Variants in PADI1 observed in about 807,000 individuals in gnomAD.
The protein encoded by PADI1 is protein-arginine deiminase type-1.
Under a neutral mutation model 74.8 loss-of-function variants are expected in PADI1, and 65 were observed. That is an observed-to-expected ratio of 0.87 (90% CI 0.71 to 1.07). PADI1 has a LOEUF of 1.07. Among genes scored for constraint, PADI1 ranks in the 50% least tolerant of loss-of-function variants. The pLI is 0.00. For missense variants in PADI1, 943 were observed against 854.0 expected (o/e 1.10, Z -1.30); for synonymous variants, 371 against 336.2 (o/e 1.10, Z -1.13).
At chr1:17,223,960 G>A (rs556262516) in intron 3 of PADI1, among the ~76,000 whole-genome samples, 2 of 152,302 alleles carry the variant, frequency 1.3e-5, no homozygotes, top group South Asian at 2.1e-4. Context: ...AGAGTCCCAC[G>A]TATACCCTCA....
chr1:17,218,105 T>C (rs1002541120), intron 1 of PADI1, among the ~76,000 whole-genome samples: 1 of 152,146 alleles, frequency 6.6e-6, no homozygotes, highest in African/African-American at 2.4e-5. Flanking sequence ...AATAAACTTA[T>C]GGAGGAAAGA....
At chr1:17,205,548 A>G (rs2071661271) in intron 1 of PADI1, among the ~76,000 whole-genome samples, 1 of 152,112 alleles carries the variant, frequency 6.6e-6, no homozygotes. Context: ...CCTGGGTAAG[A>G]GTCCAGCCTT....
At chr1:17,236,869 G>A (rs918502617) in intron 11 of PADI1, among the ~76,000 whole-genome samples, 3 of 152,360 alleles carry the variant, frequency 2.0e-5, no homozygotes, top group East Asian at 3.9e-4. Flanking sequence ...GGCTACTTAG[G>A]AGAATATTCC....
intron 1 of PADI1, among the ~76,000 whole-genome samples, chr1:17,215,580 C>T (rs2071955401): frequency 6.6e-6 from 1 of 152,100 alleles, no homozygotes; most frequent in Non-Finnish European, 1.5e-5. Context: ...GAGCTAGAAA[C>T]CCTTCTGCTG....
rs115337139 is a variant in PADI1, at chr1:17,205,953, G to A, written c.92+644G>A. ...ATGGTGGCAATGATGACATCTGAGG[G>A]GGCATCAGTAGCATTTGCTTCTCCT... On this transcript the variant is annotated intron_variant, in intron 1 of 15. Transcript: ENST00000375471. Among the ~76,000 whole-genome samples the A allele has an allele frequency of 5.0e-3, 758 of 152,254 alleles. 5 individuals carry two copies. The highest frequency in any genetic ancestry group is 0.017 in the African/African-American group (720 of 41,538).
At chr1:17,217,090 AAGCCAGGTGCGCTGGGGCC>A (rs1188745247) in intron 1 of PADI1, among the ~76,000 whole-genome samples, 1 of 151,772 alleles carries the variant, frequency 6.6e-6, no homozygotes, top group African/African-American at 2.4e-5. Context: ...GCTGAGCCCT[AAGCCAGGTGCGCTGGGGCC>A]AGCCGCACTC....
intron 10 of PADI1, among the ~76,000 whole-genome samples, chr1:17,230,975 T>G (rs561706314): frequency 7.2e-5 from 11 of 152,306 alleles, no homozygotes; most frequent in Admixed American, 2.6e-4. Flanking sequence ...GAATTGGCAG[T>G]GTGGTCAGCT....
chr1:17,235,291 G>GAA (rs1250107567), intron 11 of PADI1, among the ~76,000 whole-genome samples: 12 of 119,952 alleles, frequency 1.0e-4, no homozygotes, highest in African/African-American at 3.0e-4. Context: ...AGGAAGGAAG[G>GAA]AGGGAAGGAA....
intron 1 of PADI1, among the ~76,000 whole-genome samples, chr1:17,211,110 G>T (rs1050481532): frequency 2.6e-5 from 4 of 152,192 alleles, no homozygotes; most frequent in African/African-American, 9.7e-5. Context: ...TAACGACAGG[G>T]CCCTGTGTCC....
intron 1 of PADI1, among the ~76,000 whole-genome samples, chr1:17,222,058 T>C (rs540321466): frequency 6.6e-6 from 1 of 152,268 alleles, no homozygotes; most frequent in East Asian, 1.9e-4. Flanking sequence ...AGTTTGGAAG[T>C]GTCAGATCTG....
Position 17,228,674 on chromosome 1 carries a change from G to A in PADI1, c.702G>A (p.Leu234=). 1 of 1,614,138 alleles carries A rather than the reference G, an allele frequency of 6.2e-7. No homozygotes were observed. Among genetic ancestry groups the A allele is most frequent in the Admixed American group, 1.7e-5 (1 of 60,020 alleles). ...DYKQVLGPQC[L]SYEVERQPGE... ...AACAGGTGCTGGGGCCCCAGTGTCT[G>A]TCCTATGAAGTTGAGCGACAGCCAG... Residue 234 remains leucine, a synonymous_variant, in exon 7 of 16, where the codon CTG becomes CTA. Transcript: ENST00000375471.
In PADI1 at chr1:17,241,203, G is replaced by A. The variant is rs577043310; in HGVS notation, c.1758+443G>A. Among the ~76,000 whole-genome samples the A allele has an allele frequency of 4.2e-3, 633 of 152,348 alleles. 4 individuals are homozygous for A. The highest frequency in any genetic ancestry group is 7.0e-3 in the Non-Finnish European group (477 of 68,034). ...GGGGGTCCTGTGTCAGGCGGTGCAG[G>A]TGGGGTGGGCGGTGGCCTCGCTGAC... is the stretch of plus-strand genomic sequence containing the variant. On this transcript the variant is annotated intron_variant, in intron 15 of 15. Coordinates refer to ENST00000375471, the MANE Select transcript of PADI1 (RefSeq NM_013358.3).
Position 17,224,351 on chromosome 1 carries a change from C to G in PADI1, c.347-16C>G. On this transcript the variant is annotated splice_polypyrimidine_tract_variant and intron_variant, in intron 3 of 15. Coordinates refer to ENST00000375471, the MANE Select transcript of PADI1 (RefSeq NM_013358.3). ...GCTGGATGAGCCCCTGGCAGCCCCT[C>G]TCCATCTCTTTGCAGATATTTCCCT... is the stretch of plus-strand genomic sequence containing the variant. The G allele has an allele frequency of 1.2e-6, 2 of 1,612,474 alleles. No homozygotes were observed.
chr1:17,210,965 C>T (rs946454322), intron 1 of PADI1, among the ~76,000 whole-genome samples: 1 of 152,196 alleles, frequency 6.6e-6, no homozygotes, highest in African/African-American at 2.4e-5. Flanking sequence ...GATGATACGG[C>T]CCATGGCCAC....
intron 6 of PADI1, 149 bp from the exon 7 acceptor site, chr1:17,228,476 A>G (rs1019333009): frequency 1.2e-5 from 9 of 728,518 alleles, no homozygotes; most frequent in Admixed American, 2.2e-5. Context: ...AGGTTGAGTC[A>G]TTGAGCTAAG....
At chr1:17,218,849 C>T (rs2072050804) in intron 1 of PADI1, among the ~76,000 whole-genome samples, 1 of 151,908 alleles carries the variant, frequency 6.6e-6, no homozygotes, top group Non-Finnish European at 1.5e-5. Flanking sequence ...GCCCAGACAG[C>T]ACACCCCTCT....
intron 1 of PADI1, among the ~76,000 whole-genome samples, chr1:17,216,211 C>T (rs1056381522): frequency 4.6e-5 from 7 of 152,074 alleles, no homozygotes; most frequent in African/African-American, 1.4e-4. Context: ...AGGGATGCAA[C>T]GGGACTTCTA....
rs756983073 is a variant in PADI1 at position 17,240,709 on chromosome 1, C to G, written c.1707C>G (p.Pro569=). 6.2e-7 allele frequency: 1 copy of G among 1,614,126 alleles called. No individual in the cohort carries two copies. Among genetic ancestry groups the G allele is most frequent in the South Asian group, 1.1e-5 (1 of 91,072 alleles). The change falls in exon 15 of 16, where the codon CCC becomes CCG. Residue 569 remains proline (P), a synonymous_variant. Transcript: ENST00000375471. ...CAGAGAGTGACATCGTGGACATTCC[C>G]CAGCTCTTCTTCCTGAAAAACTTCT... ...GLAESDIVDI[P]QLFFLKNFYA...
chr1:17,228,067 T>G (rs1289859125), intron 6 of PADI1, among the ~76,000 whole-genome samples: 1 of 152,186 alleles, frequency 6.6e-6, no homozygotes, highest in East Asian at 1.9e-4. Context: ...CACGGCTCAC[T>G]GCAGCCTTGA....
Sources: gnomAD v4.1 joint callset for allele counts (sites outside exome capture counted in the v4.1 genomes callset) on GRCh38, gnomAD v4.1.1 for gene constraint, MANE v1.5 for transcripts, NCBI Gene and HGNC (gene_info 2026-07-23, HGNC 2026-07-21) for gene names.